KDM3A: variants seen among roughly 807,000 people sequenced by gnomAD.
The protein encoded by KDM3A is lysine-specific demethylase 3A.
A neutral mutation model predicts 158.0 loss-of-function variants in KDM3A; 60 were observed. The ratio of observed to expected loss-of-function variants is 0.38; its 90% confidence interval spans 0.31 to 0.47. KDM3A has a LOEUF of 0.47. KDM3A is among the 20% of genes least tolerant of loss of function. The pLI, the probability that KDM3A is intolerant of heterozygous loss-of-function variation, is 0.99. For synonymous variants in KDM3A, 608 were observed against 549.3 expected, an observed-to-expected ratio of 1.11 and a Z score of -1.49; for missense variants, 1,319 against 1,574.3, an observed-to-expected ratio of 0.84 and a Z score of 2.74.
chr2:86,457,188 C>A, intron 8 of KDM3A, 117 bp downstream of exon 8: 1 of 342,974 alleles, frequency 2.9e-6, no homozygotes, highest in Non-Finnish European at 5.0e-6. Context: ...TAGGATCTCA[C>A]TCTGTCACTC....
Position 86,466,701 on chromosome 2 carries a change from C to T in KDM3A, c.1337C>T (p.Pro446Leu), listed in dbSNP as rs573499392. The T allele has an allele frequency of 2.6e-5, 42 of 1,613,900 alleles. No homozygotes were observed. The South Asian group carries it at 4.4e-4, about 17-fold the overall frequency. Residue 446 changes from proline to leucine, a missense_variant, in exon 10 of 26, where the codon CCA becomes CTA. By Grantham distance (98) the Pro-to-Leu change is moderately conservative (BLOSUM62 -3). Around this residue, in one of 4 missense-constraint regions of KDM3A, gnomAD observed 652 missense variants for 627.2 expected, o/e 1.04. Transcript: ENST00000312912. Reference sequence around the variant, plus strand: ...AAGCACCTAGAACATGCACCTTCCCCATCGGATGTTTCAAATGCACCAGAA... The same window carrying T: ...AAGCACCTAGAACATGCACCTTCCCTATCGGATGTTTCAAATGCACCAGAA... ...LQKHLEHAPS[P>L]SDVSNAPEVK...
intron 21 of KDM3A, chr2:86,487,189 A>G (rs1261050977): frequency 6.6e-6 from 1 of 152,202 alleles, no homozygotes; most frequent in Non-Finnish European, 1.5e-5. Context: ...GAAATTTTCA[A>G]AAGAATTGCT....
At chr2:86,459,643 T>C (rs374964179) in intron 8 of KDM3A, among the ~76,000 whole-genome samples, 6 of 152,146 alleles carry the variant, frequency 3.9e-5, no homozygotes, top group Admixed American at 2.6e-4. Flanking sequence ...GTGTCAGCAA[T>C]GAGAAAGGTG....
At chr2:86,485,142 A>G (rs1339096657) in intron 20 of KDM3A, 113 bp downstream of exon 20, 2 of 633,498 alleles carry the variant, frequency 3.2e-6, no homozygotes, top group Non-Finnish European at 5.6e-6. Flanking sequence ...TTCTGTAATT[A>G]TACTGCCACT....
chr2:86,485,154 AT>A, intron 20 of KDM3A, 125 bp downstream of exon 20: 1 of 609,262 alleles, frequency 1.6e-6, no homozygotes, highest in Non-Finnish European at 2.9e-6. Flanking sequence ...ACTGCCACTG[AT>A]TTTTCATTTC....
chr2:86,460,887 G>T (rs552563668), intron 8 of KDM3A: 1 of 152,154 alleles, frequency 6.6e-6, no homozygotes, highest in African/African-American at 2.4e-5. Flanking sequence ...AGGTGCACTC[G>T]TGAACATGGG....
At chr2:86,455,296 T>C in intron 5 of KDM3A, 109 bp downstream of exon 5, 1 of 386,728 alleles carries the variant, frequency 2.6e-6, no homozygotes, top group Non-Finnish European at 4.6e-6. Flanking sequence ...TCTTTTTTCT[T>C]TTTTTTTTTT....
intron 2 of KDM3A, among the ~76,000 whole-genome samples, chr2:86,442,783 C>T (rs1050184631): frequency 6.6e-6 from 1 of 151,834 alleles, no homozygotes; most frequent in Non-Finnish European, 1.5e-5. Flanking sequence ...GAGTGGGTTC[C>T]TGGTTGTCTG....
intron 16 of KDM3A, 49 bp from the exon 17 acceptor site, chr2:86,481,881 T>A (rs1382340275): frequency 1.4e-6 from 2 of 1,443,148 alleles, no homozygotes; most frequent in African/African-American, 2.8e-5. Context: ...TAATAAGGGA[T>A]TTGCCTTTCA....
In KDM3A at chr2:86,474,841, A is replaced by G. The variant is rs145066068; in HGVS notation, c.1790A>G (p.Asn597Ser). The change falls in exon 12 of 26, where the codon AAT becomes AGT. Residue 597 changes from asparagine (N) to serine (S), a missense_variant. Asn to Ser is a conservative substitution (Grantham distance 46). Transcript: ENST00000312912. ...TTCTTAACACCAAACAAGTATGACA[A>G]TGAAGCAATTGGCTTGTGGTTACCT... ...EGFLTPNKYD[N>S]EAIGLWLPLT... 4.9e-5 allele frequency: 79 copies of G among 1,613,674 alleles called. No individual in the cohort carries two copies. Among genetic ancestry groups the G allele is most frequent in the East Asian group, 2.7e-4 (12 of 44,862 alleles).
intron 2 of KDM3A, among the ~76,000 whole-genome samples, chr2:86,446,153 C>T (rs1463724212): frequency 3.3e-5 from 5 of 152,158 alleles, no homozygotes; most frequent in South Asian, 4.2e-4. Flanking sequence ...TCTGAAATAT[C>T]GAGCATTTGG....
rs372486352 is a variant in KDM3A at position 86,484,272 on chromosome 2, TTTAAAA to T, written c.3094+119_3094+124del. ...CGCAGCATTTTCCAGGATTTTGGAG[TTTAAAA>T]TTAACGTCTCTCCTCCCCTTCCTTG... is the stretch of plus-strand genomic sequence containing the variant. On this transcript the variant is annotated intron_variant, in intron 19 of 25. Transcript: ENST00000312912. 4.8e-4 allele frequency: 435 copies of T among 902,306 alleles called. 2 individuals carry two copies. The African/African-American group carries it at 6.7e-3, about 14-fold the overall frequency. The allele number at this position is 902,306 out of a possible 1,614,324, so 55.9% of individuals were successfully genotyped here. A position where few individuals can be genotyped will look rare whatever the true frequency, so the allele number is the denominator to read the frequency against.
chr2:86,492,316 C>G lies in KDM3A; in HGVS notation c.*197C>G. 1 of 500,756 alleles carries G rather than the reference C, an allele frequency of 2.0e-6. No homozygotes were observed. Among genetic ancestry groups the G allele is most frequent in the Non-Finnish European group, 3.6e-6 (1 of 279,800 alleles). The allele number at this position is 500,756 out of a possible 1,614,324, so 31.0% of individuals were successfully genotyped here. A position where few individuals can be genotyped will look rare whatever the true frequency, so the allele number is the denominator to read the frequency against. The stretch of plus-strand genomic sequence containing the variant: ...ATGTAGTAACTATTTACAGAACATG[C>G]ATCCTTAAACTGTGACTTCTCACCT... On this transcript the variant is annotated 3_prime_UTR_variant, in exon 26 of 26. Transcript: ENST00000312912.
intron 12 of KDM3A, 114 bp from the exon 13 acceptor site, chr2:86,477,763 C>G: frequency 9.9e-7 from 1 of 1,015,162 alleles, no homozygotes; most frequent in East Asian, 2.5e-5. Context: ...GAAGCCTGAA[C>G]AAAGTTAATT....
Position 86,442,495 on chromosome 2 carries a change from C to A in KDM3A, c.186+262C>A, listed in dbSNP as rs948873962. The stretch of plus-strand genomic sequence containing the variant: ...GCTTCATTAATGCCGGTGCTGTGTC[C>A]CACCAGGACTGTCTCATCTTTACTG... On this transcript the variant is annotated intron_variant, in intron 2 of 25. Coordinates refer to ENST00000312912, the MANE Select transcript of KDM3A (RefSeq NM_018433.6). 1.1e-5 allele frequency: 4 copies of A among 375,760 alleles called. No homozygotes were observed. The South Asian group carries it at 1.2e-4, about 11-fold the overall frequency. 23.3% of individuals were successfully genotyped at this position (375,760 alleles called of 1,614,324 possible). A position where few individuals can be genotyped will look rare whatever the true frequency, so the allele number is the denominator to read the frequency against.
At position 86,456,437 on chromosome 2, in the gene KDM3A, TTA is replaced by T; in HGVS notation, c.557-4_557-3del. ...TAAGATTTTTTTTTTTTTTTTTTTT[TTA>T]AGGTGACAAAAACTTAGTTGGTTCA... On this transcript the variant is annotated splice_polypyrimidine_tract_variant and splice_region_variant and intron_variant, in intron 5 of 25. Transcript: ENST00000312912. The T allele has an allele frequency of 6.8e-7, 1 of 1,475,654 alleles. No individual in the cohort carries two copies. The highest frequency in any genetic ancestry group is 9.0e-7 in the Non-Finnish European group (1 of 1,105,540). 91.4% of individuals were successfully genotyped at this position (1,475,654 alleles called of 1,614,324 possible).
In KDM3A at chr2:86,492,129, A is replaced by G; in HGVS notation, c.*10A>G. On this transcript the variant is annotated 3_prime_UTR_variant, in exon 26 of 26. Transcript: ENST00000312912. ...TTTTGGCAAACCTTAATCTCCCTGC[A>G]CATTGGAAATGAATTACAGGCAGCT... 6.2e-7 allele frequency: 1 copy of G among 1,601,562 alleles called. No homozygotes were observed. Among genetic ancestry groups the G allele is most frequent in the South Asian group, 1.1e-5 (1 of 90,660 alleles).
Position 86,449,811 on chromosome 2 carries a change from G to A in KDM3A, c.191G>A (p.Cys64Tyr). Residue 64 changes from cysteine (C) to tyrosine (Y), a missense_variant, in exon 3 of 26, where the codon TGT becomes TAT. This residue lies in a region of KDM3A where 652 missense variants were observed against 627.2 expected (regional missense o/e 1.04). Coordinates refer to ENST00000312912, the MANE Select transcript of KDM3A (RefSeq NM_018433.6). Reference sequence around the variant, plus strand: ...CCCCCAATTTTGTCTGTCTAGGTGTGTGTGGAATTTGATGGGGAATCTTGG... The same window carrying A: ...CCCCCAATTTTGTCTGTCTAGGTGTATGTGGAATTTGATGGGGAATCTTGG... ...TDVTKKDLKV[C>Y]VEFDGESWRK... 2 of 1,611,338 alleles carry A rather than the reference G, an allele frequency of 1.2e-6. No homozygotes were observed. Among genetic ancestry groups the A allele is most frequent in the Non-Finnish European group, 8.5e-7 (1 of 1,178,938 alleles).
At chr2:86,453,287 G>T (rs1028613430) in intron 4 of KDM3A, among the ~76,000 whole-genome samples, 2 of 152,132 alleles carry the variant, frequency 1.3e-5, no homozygotes, top group Non-Finnish European at 2.9e-5. Flanking sequence ...AGTTTTCAAA[G>T]TTTAGTACTT....
Sources: gnomAD v4.1 joint callset for allele counts (sites outside exome capture counted in the v4.1 genomes callset) on GRCh38, gnomAD v4.1.1 for gene constraint, gnomAD v4.1.1 regional missense constraint, MANE v1.5 for transcripts, NCBI Gene and HGNC (gene_info 2026-07-23, HGNC 2026-07-21) for gene names.